Variants in FAM114A2 observed in about 807,000 individuals in gnomAD.
FAM114A2 encodes family with sequence similarity 114 member A2, also known as protein FAM114A2.
In FAM114A2, 53 loss-of-function variants were observed where a neutral mutation model predicts 58.4. That is an observed-to-expected ratio of 0.91 (90% CI 0.73 to 1.14). The LOEUF is 1.14. FAM114A2 is among the 50% of genes most tolerant of loss of function. FAM114A2 has a pLI of 0.00. For missense variants in FAM114A2, 601 were observed against 581.1 expected (o/e 1.03, Z -0.35); for synonymous variants, 228 against 211.4 (o/e 1.08, Z -0.68).
chr5:154,035,389 G>C (rs1027576365), intron 1 of FAM114A2, among the ~76,000 whole-genome samples: 2 of 152,036 alleles, frequency 1.3e-5, no homozygotes, highest in African/African-American at 4.8e-5. Flanking sequence ...CTGATGGACA[G>C]GTGTCCTCCA....
chr5:154,028,053 C>T (rs1039390974), intron 6 of FAM114A2, 96 bp downstream of exon 6: 26 of 1,133,172 alleles, frequency 2.3e-5, no homozygotes, highest in African/African-American at 1.9e-4. Context: ...ATTGAAAATG[C>T]TTGAAAAGAA....
chr5:154,002,250 CT>C lies in FAM114A2; in HGVS notation c.1256del (p.Gln419ArgfsTer2). 1 of 1,613,234 alleles carries C rather than the reference CT, an allele frequency of 6.2e-7. No individual in the cohort carries two copies. The highest frequency in any genetic ancestry group is 8.5e-7 in the Non-Finnish European group (1 of 1,179,252). Reference protein sequence around the residue: ...TAIERSQTLSQMTIVLCKELS... With the variant: ...TAIERSQTLSXMTIVLCKELS... ...TTTAGAGGAATTCTCATTACACTTA[CT>C]GGGAAAGAGTTTGGCTCCTTTCTAT... On this transcript the variant is annotated frameshift_variant and splice_region_variant, in exon 11 of 14. Transcript: ENST00000351797. LOFTEE classifies it high-confidence loss of function.
At position 154,026,421 on chromosome 5, in the gene FAM114A2, T is replaced by A; in HGVS notation, c.891A>T (p.Glu297Asp). ...TACCTTTTTTCTCTTCTTCCTCTTC[T>A]TCACAAAATTCTGCTAGAGAAAATG... is the stretch of plus-strand genomic sequence containing the variant. ...KETFSLAEFC[E>D]EEEEEKKGDE... Residue 297 changes from glutamate to aspartate, a missense_variant, in exon 8 of 14, where the codon GAA (glutamate) becomes GAT (aspartate). Physicochemically the swap from Glu to Asp is conservative, Grantham distance 45. Transcript: ENST00000351797. 1 of 1,579,644 alleles carries A rather than the reference T, an allele frequency of 6.3e-7. No individual in the cohort carries two copies. The highest frequency in any genetic ancestry group is 1.2e-5 in the South Asian group (1 of 84,722).
At chr5:154,035,703 C>CAAG (rs906879235) in intron 1 of FAM114A2, among the ~76,000 whole-genome samples, 1 of 152,080 alleles carries the variant, frequency 6.6e-6, no homozygotes, top group African/African-American at 2.4e-5. Context: ...GGTAAATGAC[C>CAAG]AAGAGTGCAA....
chr5:153,997,925 T>A (rs1769691204), intron 11 of FAM114A2, 50 bp from the exon 12 acceptor site: 12 of 1,099,306 alleles, frequency 1.1e-5, no homozygotes, highest in Non-Finnish European at 1.5e-5. Context: ...TTTAAAAAAA[T>A]AAGTTATATT....
rs1412736012 is a variant in FAM114A2, at chr5:154,034,342, C to T, written c.246G>A (p.Trp82Ter). Residue 82 changes from tryptophan to a stop codon, truncating the protein, a stop_gained, in exon 3 of 14, where the codon TGG (tryptophan) becomes TGA (stop). Coordinates refer to ENST00000351797, the MANE Select transcript of FAM114A2 (RefSeq NM_018691.4). LOFTEE classifies it high-confidence loss of function. ...NVSKDVPQTRWGYWGSWGKSI... is the reference protein window; with the variant it reads ...NVSKDVPQTR ...ACTTGCCCCAGCTCCCCCAATAACC[C>T]CATCTGGTCTGGGGTACATCTTTGG... 1.3e-6 allele frequency: 2 copies of T among 1,599,636 alleles called. No homozygotes were observed. The highest frequency in any genetic ancestry group is 1.7e-5 in the Admixed American group (1 of 58,098).
At chr5:154,018,505 C>G (rs1384711087) in intron 8 of FAM114A2, among the ~76,000 whole-genome samples, 1 of 152,030 alleles carries the variant, frequency 6.6e-6, no homozygotes, top group Non-Finnish European at 1.5e-5. Context: ...GGTACCAATC[C>G]TATTGATACT....
rs750941972 is a variant in FAM114A2, at chr5:154,011,240, C to T, written c.993+1G>A. ...AAAATCACCAAGAAGCAATAACTTACCCTGGCAAGTTTCTCTGGTTTGGAG... is the reference window on the plus strand; with the variant it reads ...AAAATCACCAAGAAGCAATAACTTATCCTGGCAAGTTTCTCTGGTTTGGAG... On this transcript the variant is annotated splice_donor_variant, in intron 9 of 13. Coordinates refer to ENST00000351797, the MANE Select transcript of FAM114A2 (RefSeq NM_018691.4). LOFTEE classifies it high-confidence loss of function. The T allele has an allele frequency of 6.2e-7, 1 of 1,600,898 alleles. No individual in the cohort carries two copies. The highest frequency in any genetic ancestry group is 8.6e-7 in the Non-Finnish European group (1 of 1,169,258).
rs34907432 is a variant in FAM114A2, at chr5:154,034,985, C to CA, written c.-14-19dup. On this transcript the variant is annotated intron_variant, in intron 1 of 13. Coordinates refer to ENST00000351797, the MANE Select transcript of FAM114A2 (RefSeq NM_018691.4). ...AACATCAGCTGGTAAAATGAAAGCC[C>CA]AAAAAAAATTTATATAGGCTTCTTT... 881,253 of 1,437,616 alleles carry CA rather than the reference C, an allele frequency of 0.61. 272,558 individuals are homozygous for CA. Among genetic ancestry groups the CA allele is most frequent in the East Asian group, 0.87 (37,371 of 43,066 alleles). 89.1% of individuals were successfully genotyped at this position (1,437,616 alleles called of 1,614,324 possible). A position where few individuals can be genotyped will look rare whatever the true frequency, so the allele number is the denominator to read the frequency against.
intron 12 of FAM114A2, among the ~76,000 whole-genome samples, chr5:153,995,961 T>C (rs554975484): frequency 2.6e-5 from 4 of 152,298 alleles, no homozygotes; most frequent in Admixed American, 6.5e-5. Flanking sequence ...ATTTCCATTA[T>C]AGGTCTCAGA....
chr5:154,035,254 CT>C (rs1454356348), intron 1 of FAM114A2, among the ~76,000 whole-genome samples: 1 of 152,090 alleles, frequency 6.6e-6, no homozygotes, highest in Non-Finnish European at 1.5e-5. Flanking sequence ...GCATGTATAC[CT>C]TTGTGTGACT....
chr5:154,026,632 C>G, intron 7 of FAM114A2, 110 bp from the exon 8 acceptor site: 2 of 630,286 alleles, frequency 3.2e-6, no homozygotes, highest in East Asian at 3.5e-5. Flanking sequence ...ATTATGAGCT[C>G]ATCAGCCAGC....
At position 154,034,753 on chromosome 5, in the gene FAM114A2, G is replaced by A. The variant is rs764297155; in HGVS notation, c.201C>T (p.Leu67=). The part of the protein sequence containing the change: ...PSSDLETSKV[L]PIQDNVSKDV... ...CTGTGGTCTGTGATACCTGAATAGG[G>A]AGAACTTTTGAAGTCTCAAGGTCAC... Residue 67 remains leucine (L), a synonymous_variant, in exon 2 of 14, where the codon CTC becomes CTT. Transcript: ENST00000351797. The A allele has an allele frequency of 2.1e-5, 34 of 1,610,030 alleles. No homozygotes were observed. The Admixed American group carries it at 4.3e-4, about 21-fold the overall frequency.
chr5:154,011,140 A>AT, intron 9 of FAM114A2, 101 bp downstream of exon 9: 1 of 883,244 alleles, frequency 1.1e-6, no homozygotes, highest in South Asian at 1.7e-5. Flanking sequence ...TATACCTTCG[A>AT]TTTTGGTGAC....
intron 12 of FAM114A2, among the ~76,000 whole-genome samples, chr5:153,995,569 T>C (rs566627789): frequency 1.6e-3 from 246 of 152,274 alleles, no homozygotes; most frequent in African/African-American, 5.5e-3. Flanking sequence ...ACTTAGGCCA[T>C]GGTCTTAATT....
chr5:153,998,004 G>C lies in FAM114A2; in HGVS notation c.1257-129C>G, dbSNP rs901757510. 5.2e-6 allele frequency: 3 copies of C among 576,856 alleles called. No individual in the cohort carries two copies. In the East Asian group the frequency reaches 9.0e-5, roughly 17 times the overall value. 35.7% of individuals were successfully genotyped at this position (576,856 alleles called of 1,614,324 possible). ...TGAAAGAAGAAAGCTTTTCAAGGGA[G>C]TAAATACAGTATCCCCCCCTTATCT... On this transcript the variant is annotated intron_variant, in intron 11 of 13. Transcript: ENST00000351797.
chr5:154,024,043 A>G (rs991447613), intron 8 of FAM114A2, among the ~76,000 whole-genome samples: 1 of 152,200 alleles, frequency 6.6e-6, no homozygotes. Flanking sequence ...GATTAGAAAT[A>G]GAAAACCAAA....
intron 11 of FAM114A2, 32 bp downstream of exon 11, chr5:154,002,219 G>A: frequency 6.3e-7 from 1 of 1,595,790 alleles, no homozygotes; most frequent in Non-Finnish European, 8.6e-7. Flanking sequence ...CCTGCAATTT[G>A]CATCATTTAG....
At chr5:154,004,285 C>G (rs1561546667) in intron 9 of FAM114A2, among the ~76,000 whole-genome samples, 1 of 152,186 alleles carries the variant, frequency 6.6e-6, no homozygotes, top group East Asian at 1.9e-4. Context: ...GACCATTTCT[C>G]CTCAGTATCT....
Sources: allele counts gnomAD v4.1 joint callset (sites outside exome capture counted in the v4.1 genomes callset), GRCh38; gene constraint gnomAD v4.1.1; transcripts MANE v1.5; gene names NCBI Gene and HGNC (gene_info 2026-07-23, HGNC 2026-07-21).